Variants in UST observed in about 807,000 individuals in gnomAD.
UST encodes the protein chondroitin sulfate 2-O-sulfotransferase.
In UST, 21 loss-of-function variants were observed where a neutral mutation model predicts 45.6. The ratio of observed to expected loss-of-function variants is 0.46; its 90% confidence interval spans 0.33 to 0.66. The LOEUF (loss-of-function observed/expected upper bound fraction) is 0.66. UST is among the 30% of genes least tolerant of loss of function. UST has a pLI of 0.02. For missense variants in UST, 463 were observed against 512.4 expected, an observed-to-expected ratio of 0.90 and a Z score of 0.93; for synonymous variants, 215 against 200.6, an observed-to-expected ratio of 1.07 and a Z score of -0.61.
At chr6:149,039,211 A>T (rs1359396921) in intron 7 of UST, among the ~76,000 whole-genome samples, 1 of 152,068 alleles carries the variant, frequency 6.6e-6, no homozygotes, top group Admixed American at 6.6e-5. Flanking sequence ...TGTGATGTAT[A>T]TACATATTTC....
At chr6:148,804,108 A>G (rs1777103723) in intron 1 of UST, among the ~76,000 whole-genome samples, 1 of 152,218 alleles carries the variant, frequency 6.6e-6, no homozygotes, top group South Asian at 2.1e-4. Flanking sequence ...AAATGCAGGA[A>G]CTGAAGACAG....
At position 149,073,924 on chromosome 6, in the gene UST, C is replaced by A; in HGVS notation, c.1029C>A (p.Tyr343Ter). ...AGATCCTCTACCAGCGGATGAGATA[C>A]GAGTACGAGTTTTACCACTACGTCA... The part of the protein sequence containing the change: ...AVQILYQRMR[Y>*]EYEFYHYVKE... Residue 343 changes from tyrosine to a stop codon, truncating the protein, a stop_gained, in exon 8 of 8, where the codon TAC becomes TAA. Coordinates refer to ENST00000367463, the MANE Select transcript of UST (RefSeq NM_005715.3). LOFTEE classifies it high-confidence loss of function. 6.2e-7 allele frequency: 1 copy of A among 1,614,124 alleles called. No homozygotes were observed. The highest frequency in any genetic ancestry group is 8.5e-7 in the Non-Finnish European group (1 of 1,180,016).
At chr6:148,791,326 G>A (rs1190516978) in intron 1 of UST, among the ~76,000 whole-genome samples, 1 of 152,206 alleles carries the variant, frequency 6.6e-6, no homozygotes, top group East Asian at 1.9e-4. Context: ...AGATAGAGGA[G>A]AAGAATTCAA....
intron 2 of UST, among the ~76,000 whole-genome samples, chr6:148,922,866 TA>T (rs1779739776): frequency 1.3e-5 from 2 of 151,926 alleles, no homozygotes; most frequent in African/African-American, 4.8e-5. Context: ...GATCTCGGCT[TA>T]CTGCAACCTC....
chr6:148,777,987 G>A (rs1403255629), intron 1 of UST, among the ~76,000 whole-genome samples: 1 of 152,174 alleles, frequency 6.6e-6, no homozygotes, highest in Non-Finnish European at 1.5e-5. Flanking sequence ...TGTAGAGTAG[G>A]CTGTACCATC....
At chr6:148,789,711 C>T (rs948142765) in intron 1 of UST, among the ~76,000 whole-genome samples, 1 of 151,870 alleles carries the variant, frequency 6.6e-6, no homozygotes, top group Non-Finnish European at 1.5e-5. Context: ...TACAGAGCCT[C>T]CTGTAATTCA....
intron 1 of UST, among the ~76,000 whole-genome samples, chr6:148,836,004 A>G (rs1582842151): frequency 6.6e-6 from 1 of 152,262 alleles, no homozygotes; most frequent in Non-Finnish European, 1.5e-5. Context: ...TGAAATGAGC[A>G]GTGCTGATTT....
intron 7 of UST, among the ~76,000 whole-genome samples, chr6:149,063,625 TC>T (rs1776689431): frequency 1.3e-5 from 2 of 152,146 alleles, no homozygotes; most frequent in Non-Finnish European, 2.9e-5. Context: ...TCTGTGAAAC[TC>T]CTTCAGATAC....
intron 7 of UST, among the ~76,000 whole-genome samples, chr6:149,067,705 T>C (rs975103237): frequency 1.3e-5 from 2 of 152,140 alleles, no homozygotes; most frequent in Non-Finnish European, 2.9e-5. Context: ...CATTACTGTA[T>C]AAAAGTTGGA....
chr6:148,797,090 A>G (rs1243921100), intron 1 of UST, among the ~76,000 whole-genome samples: 4 of 152,000 alleles, frequency 2.6e-5, no homozygotes, highest in South Asian at 2.1e-4. Context: ...ACCGCGCCCA[A>G]CCTTCTCCGA....
intron 1 of UST, among the ~76,000 whole-genome samples, chr6:148,808,465 A>T (rs1777192413): frequency 6.6e-6 from 1 of 151,760 alleles, no homozygotes; most frequent in Non-Finnish European, 1.5e-5. Flanking sequence ...GGCAGCCGCC[A>T]CCCTTTACCT....
chr6:148,847,821 G>C (rs1275882616), intron 1 of UST, among the ~76,000 whole-genome samples: 1 of 152,198 alleles, frequency 6.6e-6, no homozygotes, highest in Non-Finnish European at 1.5e-5. Flanking sequence ...TGCAGTTCAT[G>C]TTCACTGGCA....
chr6:148,981,506 C>G (rs913898343), intron 5 of UST, among the ~76,000 whole-genome samples: 3 of 152,232 alleles, frequency 2.0e-5, no homozygotes, highest in African/African-American at 7.2e-5. Context: ...GCTTTATTTA[C>G]ATCCCATTGC....
intron 7 of UST, among the ~76,000 whole-genome samples, chr6:149,039,586 A>G (rs1263728012): frequency 6.6e-6 from 1 of 152,240 alleles, no homozygotes; most frequent in East Asian, 1.9e-4. Context: ...ACAGCCAGAC[A>G]GTCTAAGGAC....
At chr6:148,851,552 G>C (rs942451610) in intron 1 of UST, among the ~76,000 whole-genome samples, 3 of 152,292 alleles carry the variant, frequency 2.0e-5, no homozygotes, top group Admixed American at 1.3e-4. Flanking sequence ...TATGCATACA[G>C]ATACAACTGT....
chr6:148,782,796 T>A (rs1034572195), intron 1 of UST, among the ~76,000 whole-genome samples: 1 of 152,190 alleles, frequency 6.6e-6, no homozygotes, highest in Admixed American at 6.5e-5. Flanking sequence ...CTTCTTGAGA[T>A]GGAATCTACT....
chr6:148,799,659 T>A (rs1777020194), intron 1 of UST, among the ~76,000 whole-genome samples: 1 of 152,162 alleles, frequency 6.6e-6, no homozygotes. Flanking sequence ...CCCTCCCTCC[T>A]TCCCTTTTTC....
chr6:148,936,705 T>A (rs1780033588), intron 2 of UST, among the ~76,000 whole-genome samples: 1 of 151,990 alleles, frequency 6.6e-6, no homozygotes, highest in Admixed American at 6.6e-5. Flanking sequence ...TATTTATTTT[T>A]ATTTTTTTGA....
intron 1 of UST, among the ~76,000 whole-genome samples, chr6:148,878,647 G>C (rs532627338): frequency 3.4e-4 from 43 of 127,498 alleles, no homozygotes; most frequent in African/African-American, 1.1e-3. Context: ...GTATGAGTGC[G>C]GGGGGTCGTG....
Sources: allele counts gnomAD v4.1 joint callset (sites outside exome capture counted in the v4.1 genomes callset), GRCh38; gene constraint gnomAD v4.1.1; transcripts MANE v1.5; gene names NCBI Gene and HGNC (gene_info 2026-07-23, HGNC 2026-07-21).